FERMT2: variants seen among roughly 807,000 people sequenced by gnomAD.
The protein encoded by FERMT2 is fermitin family homolog 2.
In FERMT2, 15 loss-of-function variants were observed where a neutral mutation model predicts 82.7. The observed-to-expected ratio is 0.18, with a 90% confidence interval of 0.12 to 0.28. The LOEUF is 0.28. Among genes scored for constraint, FERMT2 ranks in the 10% least tolerant of loss-of-function variants. The pLI is 1.00. For synonymous variants in FERMT2, 274 were observed against 271.5 expected, an observed-to-expected ratio of 1.01 and a Z score of -0.09; for missense variants, 645 against 809.4, an observed-to-expected ratio of 0.80 and a Z score of 2.46.
chr14:52,948,501 G>A, intron 2 of FERMT2: 3 of 434,362 alleles, frequency 6.9e-6, no homozygotes, highest in South Asian at 5.1e-5. Context: ...AATATAAGAG[G>A]AATCAGTATG....
At chr14:52,886,002 G>T (rs1026280154) in intron 4 of FERMT2, among the ~76,000 whole-genome samples, 2 of 150,092 alleles carry the variant, frequency 1.3e-5, no homozygotes, top group African/African-American at 2.4e-5. Context: ...ATAAAGGGAA[G>T]TAACACATTA....
At chr14:52,935,544 T>C (rs1260333633) in intron 2 of FERMT2, among the ~76,000 whole-genome samples, 4 of 152,154 alleles carry the variant, frequency 2.6e-5, no homozygotes, top group African/African-American at 9.7e-5. Context: ...CTCTCCTTCT[T>C]TCCCTCCTCC....
intron 3 of FERMT2, among the ~76,000 whole-genome samples, chr14:52,902,359 CT>C (rs1289414643): frequency 2.0e-5 from 3 of 151,010 alleles, no homozygotes; most frequent in Middle Eastern, 6.3e-3. Flanking sequence ...CACCATTGCA[CT>C]TCAGCTTGGG....
intron 2 of FERMT2, among the ~76,000 whole-genome samples, chr14:52,945,060 C>G (rs1400156240): frequency 6.6e-6 from 1 of 151,980 alleles, no homozygotes; most frequent in Non-Finnish European, 1.5e-5. Context: ...GCCATCACGC[C>G]TGGCTAATTT....
chr14:52,877,736 T>TC (rs1886056980), intron 7 of FERMT2, among the ~76,000 whole-genome samples: 1 of 152,102 alleles, frequency 6.6e-6, no homozygotes, highest in Non-Finnish European at 1.5e-5. Flanking sequence ...CAAAATCCCT[T>TC]CTACAGTGAA....
intron 3 of FERMT2, among the ~76,000 whole-genome samples, chr14:52,898,762 A>C (rs1887449847): frequency 6.6e-6 from 1 of 152,206 alleles, no homozygotes; most frequent in Admixed American, 6.5e-5. Context: ...ATTTCTCCAA[A>C]GTAAATCAAG....
intron 2 of FERMT2, among the ~76,000 whole-genome samples, chr14:52,939,192 T>TAAAAAAAAAAAA (rs34395615): frequency 2.3e-5 from 2 of 86,048 alleles, no homozygotes; most frequent in Non-Finnish European, 4.4e-5. Flanking sequence ...CCATCTCTAC[T>TAAAAAAAAAAAA]AAAAAAAAAA....
intron 12 of FERMT2, among the ~76,000 whole-genome samples, 189 bp downstream of exon 12, chr14:52,864,212 C>G (rs765857313): frequency 6.6e-6 from 1 of 152,002 alleles, no homozygotes; most frequent in African/African-American, 2.4e-5. Flanking sequence ...CATGTTGGCA[C>G]TCAAAAAGTT....
intron 2 of FERMT2, among the ~76,000 whole-genome samples, chr14:52,932,875 G>A (rs933831926): frequency 5.3e-5 from 8 of 151,962 alleles, no homozygotes; most frequent in African/African-American, 1.9e-4. Flanking sequence ...TATCATCCAG[G>A]ACCTAACTGA....
intron 10 of FERMT2, among the ~76,000 whole-genome samples, chr14:52,870,539 C>T (rs533682232): frequency 4.8e-4 from 73 of 152,280 alleles, no homozygotes; most frequent in Non-Finnish European, 9.1e-4. Flanking sequence ...TGAGCCACCG[C>T]GCCCAGCCAA....
At chr14:52,932,779 A>C (rs562029421) in intron 2 of FERMT2, among the ~76,000 whole-genome samples, 1 of 152,290 alleles carries the variant, frequency 6.6e-6, no homozygotes, top group Non-Finnish European at 1.5e-5. Flanking sequence ...ATTACTCTTA[A>C]TCTATTTCTA....
At chr14:52,861,178 G>A in intron 12 of FERMT2, 5 of 628,094 alleles carry the variant, frequency 8.0e-6, no homozygotes, top group South Asian at 4.4e-5. Context: ...AACTACTTTA[G>A]GTAGAAACCA....
chr14:52,874,064 C>T, intron 9 of FERMT2, 113 bp downstream of exon 9: 1 of 560,288 alleles, frequency 1.8e-6, no homozygotes, highest in Non-Finnish European at 3.0e-6. Flanking sequence ...CTGGTAAATC[C>T]TTTTACAGTA....
intron 3 of FERMT2, among the ~76,000 whole-genome samples, chr14:52,910,373 C>G (rs1888248836): frequency 1.3e-5 from 2 of 152,072 alleles, no homozygotes; most frequent in Admixed American, 1.3e-4. Context: ...TGGTAACAAG[C>G]TCTAAACACA....
intron 2 of FERMT2, among the ~76,000 whole-genome samples, chr14:52,943,263 T>A (rs1890179760): frequency 6.6e-6 from 1 of 152,086 alleles, no homozygotes; most frequent in Non-Finnish European, 1.5e-5. Flanking sequence ...AAGAACCTTA[T>A]TTTAAAAAGG....
intron 3 of FERMT2, among the ~76,000 whole-genome samples, chr14:52,904,422 CAGG>C (rs1190292274): frequency 1.3e-5 from 2 of 152,176 alleles, no homozygotes; most frequent in African/African-American, 4.8e-5. Flanking sequence ...GAGGCTGAGA[CAGG>C]AGAATTGCTT....
chr14:52,871,759 T>C (rs976467802), intron 10 of FERMT2: 1 of 152,314 alleles, frequency 6.6e-6, no homozygotes, highest in Non-Finnish European at 1.5e-5. Flanking sequence ...GCCCAGGCTG[T>C]AGGAAGCAGG....
chr14:52,937,857 T>C (rs982851594), intron 2 of FERMT2, among the ~76,000 whole-genome samples: 2 of 152,222 alleles, frequency 1.3e-5, no homozygotes, highest in Admixed American at 6.5e-5. Flanking sequence ...AGGAATTTAC[T>C]GCCCAAACTC....
chr14:52,862,156 CCGGGTA>C (rs1254812346), intron 12 of FERMT2: 1 of 152,208 alleles, frequency 6.6e-6, no homozygotes, highest in Non-Finnish European at 1.5e-5. Context: ...CCTCCACCTC[CCGGGTA>C]CAGGTGATTC....
Sources: allele counts gnomAD v4.1 joint callset (sites outside exome capture counted in the v4.1 genomes callset), GRCh38; gene constraint gnomAD v4.1.1; transcripts MANE v1.5; gene names NCBI Gene and HGNC (gene_info 2026-07-23, HGNC 2026-07-21).